TBXAS1: variants seen among roughly 807,000 people sequenced by gnomAD.
TBXAS1 encodes thromboxane A synthase 1, also known as thromboxane-A synthase.
A neutral mutation model predicts 60.7 loss-of-function variants in TBXAS1; 48 were observed. The ratio of observed to expected loss-of-function variants is 0.79; its 90% CI spans 0.63 to 1.01. TBXAS1 has a LOEUF of 1.01. Among genes scored for constraint, TBXAS1 ranks in the 50% least tolerant of loss-of-function variants. TBXAS1 has a pLI of 0.00. For synonymous variants in TBXAS1, 287 were observed against 269.7 expected (o/e 1.06, Z -0.63); for missense variants, 685 against 686.3 (o/e 1.00, Z 0.02).
intron 9 of TBXAS1, among the ~76,000 whole-genome samples, chr7:139,990,235 C>A (rs1812786452): frequency 6.6e-6 from 1 of 152,208 alleles, no homozygotes; most frequent in African/African-American, 2.4e-5. Context: ...GAAGGGAGAC[C>A]CCGAGGCCAT....
chr7:139,877,109 G>A (rs545096697), intron 3 of TBXAS1, among the ~76,000 whole-genome samples: 1 of 152,202 alleles, frequency 6.6e-6, no homozygotes, highest in Non-Finnish European at 1.5e-5. Context: ...ATGTGGGCAG[G>A]AGGGCACTGT....
chr7:139,875,100 A>C (rs1306298468), intron 2 of TBXAS1, among the ~76,000 whole-genome samples: 1 of 152,164 alleles, frequency 6.6e-6, no homozygotes, highest in African/African-American at 2.4e-5. Context: ...GTCTCGAAAA[A>C]ACAAACAAAA....
In TBXAS1 at chr7:140,019,878, TG is replaced by T. The variant is rs1370323519; in HGVS notation, c.1528-146del. ...GATCAGCAGGGACGGCTGGAGTCAC[TG>T]AAAGATAGGTTTGGGGCTTTGCTCT... On this transcript the variant is annotated intron_variant, in intron 12 of 12. Coordinates refer to ENST00000448866, the MANE Select transcript of TBXAS1 (RefSeq NM_001061.7). 44 of 757,498 alleles carry T rather than the reference TG, an allele frequency of 5.8e-5. No individual in the cohort carries two copies. In the African/African-American group the frequency reaches 7.3e-4, roughly 13 times the overall value. The allele number at this position is 757,498 out of a possible 1,614,324, so 46.9% of individuals were successfully genotyped here. A position where few individuals can be genotyped will look rare whatever the true frequency, so the allele number is the denominator to read the frequency against.
chr7:139,784,219 A>C (rs1210232798), intron 3 of TBXAS1, among the ~76,000 whole-genome samples: 3 of 102,682 alleles, frequency 2.9e-5, no homozygotes, highest in African/African-American at 7.8e-5. Context: ...TCTTTCTTTC[A>C]TTCTTTCTCT....
intron 5 of TBXAS1, chr7:139,952,812 C>T (rs770886332): frequency 2.8e-5 from 28 of 988,058 alleles, no homozygotes; most frequent in Non-Finnish European, 3.8e-5. Flanking sequence ...GAAAGCTTAG[C>T]GGCTTAAGCA....
At chr7:139,840,350 G>T (rs1569497968) in intron 1 of TBXAS1, among the ~76,000 whole-genome samples, 1 of 152,166 alleles carries the variant, frequency 6.6e-6, no homozygotes, top group Non-Finnish European at 1.5e-5. Context: ...AGCATGTGGG[G>T]ACTGAAGATC....
chr7:139,969,729 G>A (rs181690531), intron 9 of TBXAS1, among the ~76,000 whole-genome samples: 48 of 152,228 alleles, frequency 3.2e-4, no homozygotes, highest in Admixed American at 1.5e-3. Flanking sequence ...TGCTGGGGTC[G>A]GGCTACCCAC....
chr7:139,836,680 A>T (rs1434317226), intron 1 of TBXAS1, among the ~76,000 whole-genome samples: 1 of 152,244 alleles, frequency 6.6e-6, no homozygotes, highest in African/African-American at 2.4e-5. Flanking sequence ...TGAGTTAAAG[A>T]CTTAAACCTA....
chr7:139,970,241 G>A (rs974781403), intron 9 of TBXAS1, among the ~76,000 whole-genome samples: 7 of 152,218 alleles, frequency 4.6e-5, no homozygotes, highest in Non-Finnish European at 8.8e-5. Flanking sequence ...CGAGTAGCTG[G>A]GATTACAGGC....
chr7:139,942,080 C>T (rs1050808406), intron 5 of TBXAS1, among the ~76,000 whole-genome samples: 23 of 152,104 alleles, frequency 1.5e-4, no homozygotes, highest in African/African-American at 5.1e-4. Context: ...ACAAAAGTGG[C>T]AGGTAACCTT....
chr7:139,947,166 G>A (rs1046030035), intron 5 of TBXAS1, among the ~76,000 whole-genome samples: 1 of 151,914 alleles, frequency 6.6e-6, no homozygotes, highest in Non-Finnish European at 1.5e-5. Context: ...AAAAAAAACT[G>A]GTGCCCATCA....
rs527726129 is a variant in TBXAS1, at chr7:140,015,704, G to A, written c.1227-19G>A. Reference sequence around the variant, plus strand: ...TCATCTCTTCTCTGTATCCACCCCCGACCTGGTGTTTCCCTCAGATTCACA... The same window carrying A: ...TCATCTCTTCTCTGTATCCACCCCCAACCTGGTGTTTCCCTCAGATTCACA... On this transcript the variant is annotated intron_variant, in intron 10 of 12. Transcript: ENST00000448866. 33 of 1,612,236 alleles carry A rather than the reference G, an allele frequency of 2.0e-5. No individual in the cohort carries two copies. The highest frequency in any genetic ancestry group is 2.7e-5 in the African/African-American group (2 of 74,880).
At position 139,999,390 on chromosome 7, in the gene TBXAS1, G is replaced by A. The variant is rs1161273274; in HGVS notation, c.1135-7701G>A. On this transcript the variant is annotated intron_variant, in intron 9 of 12. Coordinates refer to ENST00000448866, the MANE Select transcript of TBXAS1 (RefSeq NM_001061.7). This position sits in a 1 kb window ranked among gnomAD's most constrained non-coding sequence, Gnocchi z 4.3. ...AATACAATAACTACGTGGGCATGGT[G>A]GTGAGCGCCTGTAATTCCAGCTACT... Among the ~76,000 whole-genome samples, 1 of 152,238 alleles carries A rather than the reference G, an allele frequency of 6.6e-6. No individual in the cohort carries two copies. Among genetic ancestry groups the A allele is most frequent in the East Asian group, 1.9e-4 (1 of 5,204 alleles).
chr7:139,836,675 T>G (rs1381747809), intron 1 of TBXAS1, among the ~76,000 whole-genome samples: 1 of 152,212 alleles, frequency 6.6e-6, no homozygotes, highest in Non-Finnish European at 1.5e-5. Context: ...CAAGATGAGT[T>G]AAAGACTTAA....
At chr7:139,837,360 A>G (rs1292476617) in intron 1 of TBXAS1, among the ~76,000 whole-genome samples, 2 of 152,242 alleles carry the variant, frequency 1.3e-5, no homozygotes, top group African/African-American at 4.8e-5. Flanking sequence ...ATACTTGAAT[A>G]TGCATGTTCA....
chr7:139,991,927 G>C (rs560065378), intron 9 of TBXAS1, among the ~76,000 whole-genome samples: 1 of 152,330 alleles, frequency 6.6e-6, no homozygotes, highest in Admixed American at 6.5e-5. Context: ...AGAGCTCGAG[G>C]GGAGACCCTT....
intron 4 of TBXAS1, among the ~76,000 whole-genome samples, chr7:139,804,034 T>G (rs1423318928): frequency 1.3e-5 from 2 of 152,098 alleles, no homozygotes; most frequent in Non-Finnish European, 2.9e-5. Flanking sequence ...GCCACCATCC[T>G]CCAGACCCCA....
intron 4 of TBXAS1, among the ~76,000 whole-genome samples, chr7:139,823,653 G>A (rs766563962): frequency 7.2e-5 from 11 of 152,246 alleles, no homozygotes; most frequent in Non-Finnish European, 2.9e-5. Flanking sequence ...GGTGAACTAT[G>A]AGTATTCTAA....
At chr7:139,948,749 A>C (rs1808959155) in intron 5 of TBXAS1, among the ~76,000 whole-genome samples, 1 of 152,176 alleles carries the variant, frequency 6.6e-6, no homozygotes. Flanking sequence ...TTGTTCAAAA[A>C]TCTAGGAGAA....
Sources: allele counts gnomAD v4.1 joint callset (sites outside exome capture counted in the v4.1 genomes callset), GRCh38; gene constraint gnomAD v4.1.1; non-coding constraint Gnocchi (gnomAD v3.1); transcripts MANE v1.5; gene names NCBI Gene and HGNC (gene_info 2026-07-23, HGNC 2026-07-21).